Variants in SLC30A8 observed in about 807,000 individuals in gnomAD.
SLC30A8 encodes solute carrier family 30 member 8.
In SLC30A8, 27 loss-of-function variants were observed where a neutral mutation model predicts 36.9. The ratio of observed to expected loss-of-function variants is 0.73; its 90% CI spans 0.54 to 1.01. The LOEUF (loss-of-function observed/expected upper bound fraction) is 1.01. Among genes scored for constraint, SLC30A8 ranks in the 50% least tolerant of loss-of-function variants. The probability of loss-of-function intolerance (pLI) is 0.00; values close to 1 mark genes in which losing one functional copy is unlikely to be tolerated. For synonymous variants in SLC30A8, 164 were observed against 172.4 expected (o/e 0.95, Z 0.38); for missense variants, 439 against 452.0 (o/e 0.97, Z 0.26).
chr8:117,104,508 A>C (rs1819885022), intron 2 of SLC30A8, among the ~76,000 whole-genome samples: 1 of 152,142 alleles, frequency 6.6e-6, no homozygotes, highest in Non-Finnish European at 1.5e-5. Context: ...CATTCTGTTC[A>C]TGACAATAGG....
At chr8:117,025,437 G>A (rs1048151951) in intron 1 of SLC30A8, among the ~76,000 whole-genome samples, 1 of 152,156 alleles carries the variant, frequency 6.6e-6, no homozygotes, top group Non-Finnish European at 1.5e-5. Flanking sequence ...AATGATTAAT[G>A]TTCTGTGGGA....
chr8:117,003,152 T>A (rs1344338646), intron 1 of SLC30A8, among the ~76,000 whole-genome samples: 1 of 152,188 alleles, frequency 6.6e-6, no homozygotes, highest in Non-Finnish European at 1.5e-5. Flanking sequence ...AAATTCAAGG[T>A]CCACATTGCC....
chr8:117,147,067 A>G lies in SLC30A8; in HGVS notation c.185A>G (p.Lys62Arg). Residue 62 changes from lysine (K) to arginine (R), a missense_variant, in exon 2 of 8, where the codon AAG (lysine) becomes AGG (arginine). Transcript: ENST00000456015. ...CACAGTGGCTCCAAGCCCACAGAAAAGGGGGCGAATGAGTACGCCTATGCC... is the reference window on the plus strand; with the variant it reads ...CACAGTGGCTCCAAGCCCACAGAAAGGGGGGCGAATGAGTACGCCTATGCC... ...HCHSGSKPTE[K>R]GANEYAYAKW... The G allele has an allele frequency of 3.7e-6, 6 of 1,614,100 alleles. No homozygotes were observed. The highest frequency in any genetic ancestry group is 4.2e-6 in the Non-Finnish European group (5 of 1,179,982).
chr8:117,158,982 A>G (rs1454646199), intron 4 of SLC30A8, among the ~76,000 whole-genome samples: 1 of 152,226 alleles, frequency 6.6e-6, no homozygotes, highest in African/African-American at 2.4e-5. Flanking sequence ...ACATAATGAC[A>G]AGCGTCCTTA....
chr8:117,164,768 C>A (rs1298515114), intron 6 of SLC30A8, among the ~76,000 whole-genome samples: 3 of 152,056 alleles, frequency 2.0e-5, no homozygotes, highest in Non-Finnish European at 4.4e-5. Context: ...TTTGCTAAGG[C>A]CTGCTCTTAG....
Position 117,147,088 on chromosome 8 carries a change from A to C in SLC30A8, c.206A>C (p.Tyr69Ser), listed in dbSNP as rs547844916. Reference protein sequence around the residue: ...PTEKGANEYAYAKWKLCSASA... With the variant: ...PTEKGANEYASAKWKLCSASA... ...GAAAAGGGGGCGAATGAGTACGCCT[A>C]TGCCAAGTGGAAACTCTGTTCTGCT... The change falls in exon 2 of 8, where the codon TAT (tyrosine) becomes TCT (serine). Residue 69 changes from tyrosine to serine, a missense_variant. By Grantham distance (144) the Tyr-to-Ser change is moderately radical (BLOSUM62 -2). Coordinates refer to ENST00000456015, the MANE Select transcript of SLC30A8 (RefSeq NM_173851.3). 5.6e-6 allele frequency: 9 copies of C among 1,614,164 alleles called. No individual in the cohort carries two copies. In the South Asian group the frequency reaches 9.9e-5, roughly 18 times the overall value.
intron 1 of SLC30A8, among the ~76,000 whole-genome samples, chr8:117,027,007 A>G (rs1816896292): frequency 2.0e-5 from 3 of 152,068 alleles, no homozygotes; most frequent in Admixed American, 6.6e-5. Context: ...AGTAAAAGAG[A>G]TGTCTGAAAG....
At chr8:117,031,223 T>G (rs540397799) in intron 1 of SLC30A8, among the ~76,000 whole-genome samples, 137 of 151,114 alleles carry the variant, frequency 9.1e-4, no homozygotes, top group African/African-American at 3.2e-3. Flanking sequence ...TGTATGCACA[T>G]TTTGGTCATT....
chr8:117,087,156 C>T (rs745534528), intron 2 of SLC30A8, among the ~76,000 whole-genome samples: 16 of 152,210 alleles, frequency 1.1e-4, no homozygotes, highest in Middle Eastern at 3.4e-3. Flanking sequence ...AAAAACAGTA[C>T]GTGATTGGCA....
chr8:117,174,787 A>G lies in SLC30A8; in HGVS notation c.*2106A>G, dbSNP rs1442088116. 6.6e-6 allele frequency: 1 copy of G among 152,568 alleles called. No individual in the cohort carries two copies. Among genetic ancestry groups the G allele is most frequent in the African/African-American group, 2.4e-5 (1 of 41,466 alleles). The allele number at this position is 152,568 out of a possible 1,614,324, so 9.5% of individuals were successfully genotyped here. On this transcript the variant is annotated 3_prime_UTR_variant, in exon 8 of 8. Coordinates refer to ENST00000456015, the MANE Select transcript of SLC30A8 (RefSeq NM_173851.3). ...GTGTGTCAACCAAAGTAATTGTCCC[A>G]TGGCCCCAGGGTATTTCTGTTGTTT...
rs749099246 is a variant in SLC30A8, at chr8:117,034,667, G to A, written c.-265-4552G>A. Among the ~76,000 whole-genome samples, 12 of 152,170 alleles carry A rather than the reference G, an allele frequency of 7.9e-5. 1 individual carries two copies. Among genetic ancestry groups the A allele is most frequent in the Admixed American group, 1.3e-4 (2 of 15,278 alleles). On this transcript the variant is annotated intron_variant, in intron 1 of 10. Transcript: ENST00000427715. The stretch of plus-strand genomic sequence containing the variant: ...TACACCATGCTGTTTACAAACATGA[G>A]CTTTGTTTTACCAGAGAGTAACTGA...
chr8:117,060,618 A>G (rs1344242715), intron 2 of SLC30A8, among the ~76,000 whole-genome samples: 2 of 152,176 alleles, frequency 1.3e-5, no homozygotes, highest in African/African-American at 4.8e-5. Context: ...TGTGCTCTAT[A>G]AAGATTCTTC....
intron 2 of SLC30A8, among the ~76,000 whole-genome samples, chr8:117,080,033 A>G (rs1024944705): frequency 1.3e-5 from 2 of 152,194 alleles, no homozygotes; most frequent in African/African-American, 4.8e-5. Flanking sequence ...TTCATTTTAA[A>G]GTAAGGAAAT....
intron 2 of SLC30A8, among the ~76,000 whole-genome samples, chr8:117,149,448 T>C (rs972167670): frequency 8.5e-5 from 13 of 152,340 alleles, no homozygotes; most frequent in Admixed American, 2.0e-4. Context: ...GTGGCTCTTA[T>C]TGTTAATCTC....
chr8:117,157,990 G>A (rs1384857062), intron 4 of SLC30A8, 146 bp downstream of exon 4: 1 of 904,266 alleles, frequency 1.1e-6, no homozygotes, highest in South Asian at 2.2e-5. Flanking sequence ...TGAAAATAAG[G>A]TTGACTGCTT....
chr8:117,151,667 T>A (rs1822196166), intron 2 of SLC30A8, among the ~76,000 whole-genome samples: 1 of 152,232 alleles, frequency 6.6e-6, no homozygotes, highest in South Asian at 2.1e-4. Flanking sequence ...TAGACTATAT[T>A]TCAGCCCAGC....
intron 2 of SLC30A8, among the ~76,000 whole-genome samples, chr8:117,079,821 C>A (rs188209071): frequency 2.0e-5 from 3 of 152,318 alleles, no homozygotes; most frequent in Admixed American, 2.0e-4. Context: ...CTGCAAAACG[C>A]ACCATAATTT....
At chr8:117,118,176 CAAAA>C (rs57091173) in intron 2 of SLC30A8, among the ~76,000 whole-genome samples, 1 of 87,568 alleles carries the variant, frequency 1.1e-5, no homozygotes, top group Admixed American at 1.3e-4. Context: ...CTCTCTGTCT[CAAAA>C]AAAAAAAAAA....
intron 2 of SLC30A8, among the ~76,000 whole-genome samples, chr8:117,050,213 G>A (rs557614763): frequency 1.4e-4 from 22 of 152,162 alleles, no homozygotes; most frequent in African/African-American, 4.6e-4. Context: ...GCTTGATCAC[G>A]TCTAGTGTGT....
Sources: allele counts gnomAD v4.1 joint callset (sites outside exome capture counted in the v4.1 genomes callset), GRCh38; gene constraint gnomAD v4.1.1; transcripts MANE v1.5; gene names NCBI Gene and HGNC (gene_info 2026-07-23, HGNC 2026-07-21).